RB1: variants seen among roughly 807,000 people sequenced by gnomAD.
RB1 encodes retinoblastoma-associated protein.
RB1 carries 18 observed loss-of-function variants against 135.4 expected under a neutral mutation model. The ratio of observed to expected loss-of-function variants is 0.13; its 90% confidence interval spans 0.09 to 0.20. RB1 has a LOEUF of 0.20. RB1 is among the 10% of genes least tolerant of loss of function. RB1 has a pLI of 1.00. For synonymous variants in RB1, 365 were observed against 373.2 expected (o/e 0.98, Z 0.25); for missense variants, 868 against 1,110.0 (o/e 0.78, Z 3.10).
At chr13:48,308,663 A>G (rs1566175702) in intron 2 of RB1, among the ~76,000 whole-genome samples, 4 of 151,700 alleles carry the variant, frequency 2.6e-5, no homozygotes, top group Non-Finnish European at 5.9e-5. Context: ...AAAAAAAAAC[A>G]AAAAAAACCC....
intron 6 of RB1, among the ~76,000 whole-genome samples, chr13:48,355,321 C>T (rs1002873057): frequency 3.3e-5 from 5 of 152,056 alleles, no homozygotes; most frequent in Non-Finnish European, 5.9e-5. Flanking sequence ...AAAAGGTGCT[C>T]AACATCAGTG....
At chr13:48,412,193 GA>G (rs752000737) in intron 17 of RB1, 1 of 1,613,960 alleles carries the variant, frequency 6.2e-7, no homozygotes, top group Non-Finnish European at 8.5e-7. Flanking sequence ...TCCGTGTTGT[GA>G]AGTAAAAAAT....
At chr13:48,306,275 C>T (rs1479302394) in intron 1 of RB1, among the ~76,000 whole-genome samples, 2 of 152,176 alleles carry the variant, frequency 1.3e-5, no homozygotes, top group African/African-American at 4.8e-5. Context: ...GTGGCTGTGG[C>T]ACACCTGTAG....
chr13:48,420,994 C>T (rs1008238437), intron 17 of RB1, among the ~76,000 whole-genome samples: 12 of 152,268 alleles, frequency 7.9e-5, no homozygotes, highest in Admixed American at 3.9e-4. Context: ...CTATCCCTAT[C>T]GAGCTACCAT....
At chr13:48,392,858 C>G (rs1948621866) in intron 17 of RB1, among the ~76,000 whole-genome samples, 1 of 151,548 alleles carries the variant, frequency 6.6e-6, no homozygotes, top group South Asian at 2.1e-4. Flanking sequence ...TTTAGTGGGT[C>G]CTGGATATTT....
intron 3 of RB1, among the ~76,000 whole-genome samples, 190 bp downstream of exon 3, chr13:48,342,904 T>G (rs1465639383): frequency 6.6e-6 from 1 of 152,122 alleles, no homozygotes; most frequent in Non-Finnish European, 1.5e-5. Context: ...TGTATTTCTT[T>G]AAGAGGTAGC....
intron 17 of RB1, among the ~76,000 whole-genome samples, chr13:48,424,464 A>G (rs956998647): frequency 6.6e-6 from 1 of 152,198 alleles, no homozygotes; most frequent in Admixed American, 6.5e-5. Flanking sequence ...GTAAAAGTTG[A>G]TGGGAATGAT....
At chr13:48,385,608 G>T (rs1239708419) in intron 17 of RB1, among the ~76,000 whole-genome samples, 1 of 152,128 alleles carries the variant, frequency 6.6e-6, no homozygotes, top group Non-Finnish European at 1.5e-5. Context: ...GAAGAATCCT[G>T]CAAGGGAAAG....
chr13:48,448,612 C>T (rs1288175581), intron 17 of RB1, among the ~76,000 whole-genome samples: 2 of 152,206 alleles, frequency 1.3e-5, no homozygotes, highest in African/African-American at 4.8e-5. Context: ...CAAGTACCTA[C>T]TTGACATGTA....
At chr13:48,327,847 T>C (rs1469573233) in intron 2 of RB1, among the ~76,000 whole-genome samples, 1 of 152,194 alleles carries the variant, frequency 6.6e-6, no homozygotes, top group Non-Finnish European at 1.5e-5. Context: ...TCTGTAAACT[T>C]TGGAAACTAA....
chr13:48,373,958 A>G (rs1209710605), intron 12 of RB1, among the ~76,000 whole-genome samples: 1 of 152,138 alleles, frequency 6.6e-6, no homozygotes, highest in Non-Finnish European at 1.5e-5. Flanking sequence ...ATAATACATT[A>G]CCTGGATCCC....
chr13:48,411,511 T>C, intron 17 of RB1: 1 of 1,612,930 alleles, frequency 6.2e-7, no homozygotes, highest in Non-Finnish European at 8.5e-7. Flanking sequence ...GACCAGTTTT[T>C]CATTTTTATT....
At chr13:48,458,031 G>T (rs528072843) in intron 19 of RB1, among the ~76,000 whole-genome samples, 3 of 152,238 alleles carry the variant, frequency 2.0e-5, no homozygotes, top group Non-Finnish European at 4.4e-5. Flanking sequence ...GCACAGGGAT[G>T]CCTGGGTCCG....
chr13:48,424,252 C>T (rs1167760860), intron 17 of RB1: 1 of 152,164 alleles, frequency 6.6e-6, no homozygotes, highest in Non-Finnish European at 1.5e-5. Context: ...AAATTCTAGA[C>T]TAGTATTACC....
intron 6 of RB1, among the ~76,000 whole-genome samples, chr13:48,351,367 G>T (rs181638942): frequency 2.0e-5 from 3 of 151,970 alleles, no homozygotes; most frequent in Non-Finnish European, 4.4e-5. Context: ...ATGCTTATTG[G>T]CTGCATGTAT....
intron 2 of RB1, among the ~76,000 whole-genome samples, chr13:48,325,977 C>A (rs1022086860): frequency 6.6e-6 from 1 of 152,114 alleles, no homozygotes; most frequent in Non-Finnish European, 1.5e-5. Context: ...AGAGGCCTAT[C>A]GTGACCACTC....
rs1222640847 is a variant in RB1 at position 48,304,214 on chromosome 13, G to A, written c.137+165G>A. Among the ~76,000 whole-genome samples the A allele has an allele frequency of 3.3e-5, 5 of 152,256 alleles. No homozygotes were observed. The East Asian group carries it at 9.7e-4, about 30-fold the overall frequency. On this transcript the variant is annotated intron_variant, in intron 1 of 26. Coordinates refer to ENST00000267163, the MANE Select transcript of RB1 (RefSeq NM_000321.3). Reference sequence around the variant, plus strand: ...CGCCACGGCGGAGCGTCTGCAGAATGGTGACAGGATTCTGGGTTCTTGGGC... The same window carrying A: ...CGCCACGGCGGAGCGTCTGCAGAATAGTGACAGGATTCTGGGTTCTTGGGC...
rs912889209 is a variant in RB1 at position 48,379,614 on chromosome 13, C to T, written c.1353C>T (p.Arg451=). The T allele has an allele frequency of 2.5e-6, 4 of 1,612,370 alleles. No individual in the cohort carries two copies. Among genetic ancestry groups the T allele is most frequent in the Non-Finnish European group, 3.4e-6 (4 of 1,179,658 alleles). ...TGTAGCGATACAAACTTGGAGTTCG[C>T]TTGTATTACCGAGTAATGGAATCCA... is the stretch of plus-strand genomic sequence containing the variant. ...IGSQRYKLGV[R]LYYRVMESML... The change falls in exon 14 of 27, where the codon CGC becomes CGT. Residue 451 remains arginine (R), a synonymous_variant. Coordinates refer to ENST00000267163, the MANE Select transcript of RB1 (RefSeq NM_000321.3).
chr13:48,328,054 C>G, intron 2 of RB1: 1 of 773,452 alleles, frequency 1.3e-6, no homozygotes, highest in South Asian at 1.5e-5. Context: ...TTATACCCAC[C>G]CACACCCCAA....
Sources: allele counts gnomAD v4.1 joint callset (sites outside exome capture counted in the v4.1 genomes callset), GRCh38; gene constraint gnomAD v4.1.1; transcripts MANE v1.5; gene names NCBI Gene and HGNC (gene_info 2026-07-23, HGNC 2026-07-21).